The following YBX1 variants were observed in gnomAD, a reference collection of about 807,000 sequenced individuals.
The protein encoded by YBX1 is Y-box-binding protein 1.
YBX1 carries 3 observed loss-of-function variants against 41.4 expected under a neutral mutation model. That is an observed-to-expected ratio of 0.07 (90% CI 0.03 to 0.19). YBX1 has a LOEUF of 0.19. Among genes scored for constraint, YBX1 ranks in the 10% least tolerant of loss-of-function variants. The pLI, the probability that YBX1 is intolerant of heterozygous loss-of-function variation, is 1.00. For synonymous variants in YBX1, 133 were observed against 165.8 expected (o/e 0.80, Z 1.52); for missense variants, 274 against 462.8 (o/e 0.59, Z 3.74).
At chr1:42,693,443 A>C (rs1351497724) in intron 2 of YBX1, 47 bp from the exon 3 acceptor site, 2 of 1,607,414 alleles carry the variant, frequency 1.2e-6, no homozygotes, top group African/African-American at 2.7e-5. Context: ...TGACAACATG[A>C]GATTTATTTC....
chr1:42,689,531 A>T (rs945283608), intron 2 of YBX1, among the ~76,000 whole-genome samples: 2 of 152,204 alleles, frequency 1.3e-5, no homozygotes, highest in Non-Finnish European at 2.9e-5. Context: ...GATTGGCAAA[A>T]AAGTTTTCTA....
At chr1:42,682,839 C>T (rs539344027) in intron 1 of YBX1, 108 bp downstream of exon 1, 106 of 601,470 alleles carry the variant, frequency 1.8e-4, no homozygotes, top group Admixed American at 3.9e-4. Flanking sequence ...GCACCGACTC[C>T]GCGGCGCGCG....
intron 2 of YBX1, among the ~76,000 whole-genome samples, chr1:42,689,169 CAT>C (rs1650269117): frequency 6.6e-6 from 1 of 152,198 alleles, no homozygotes; most frequent in South Asian, 2.1e-4. Context: ...CCCTTGGAAA[CAT>C]ACAGTTTGTC....
At chr1:42,693,573 G>A in intron 3 of YBX1, 50 bp downstream of exon 3, 1 of 1,594,288 alleles carries the variant, frequency 6.3e-7, no homozygotes. Context: ...ATTGTAAGAA[G>A]AAAAGGTTAG....
intron 2 of YBX1, among the ~76,000 whole-genome samples, chr1:42,689,277 A>G (rs1042741912): frequency 1.3e-5 from 2 of 152,208 alleles, no homozygotes; most frequent in African/African-American, 4.8e-5. Context: ...ATAAGTGGAC[A>G]TTATTATCTT....
chr1:42,687,010 ACT>A (rs1046533484), intron 2 of YBX1, among the ~76,000 whole-genome samples: 4 of 151,952 alleles, frequency 2.6e-5, no homozygotes, highest in African/African-American at 9.7e-5. Context: ...CCGTTGAAAG[ACT>A]CTTAAATGAT....
chr1:42,686,504 T>C (rs150363358), intron 2 of YBX1, among the ~76,000 whole-genome samples: 1 of 152,326 alleles, frequency 6.6e-6, no homozygotes, highest in East Asian at 1.9e-4. Context: ...TACGACAGCC[T>C]TCACGCCTGG....
At chr1:42,700,745 T>C (rs778664724) in intron 6 of YBX1, 36 bp from the exon 7 acceptor site, 1 of 1,568,478 alleles carries the variant, frequency 6.4e-7, no homozygotes, top group South Asian at 1.2e-5. Context: ...AGAGAGAAGG[T>C]TTTATCATTC....
In YBX1 at chr1:42,702,419, T is replaced by C. The variant is rs900901302; in HGVS notation, c.*470T>C. ...TTTAGCTATTTATAGGACCCTTAGC[T>C]TGACCCAGTCTACAAATAGATGATG... On this transcript the variant is annotated 3_prime_UTR_variant, in exon 8 of 8. Transcript: ENST00000321358. The C allele has an allele frequency of 1.3e-5, 2 of 152,668 alleles. No homozygotes were observed. Among genetic ancestry groups the C allele is most frequent in the Admixed American group, 6.5e-5 (1 of 15,292 alleles). The allele number at this position is 152,668 out of a possible 1,614,324, so 9.5% of individuals were successfully genotyped here.
chr1:42,695,827 G>C (rs536945493), intron 3 of YBX1, among the ~76,000 whole-genome samples: 1 of 152,236 alleles, frequency 6.6e-6, no homozygotes, highest in Non-Finnish European at 1.5e-5. Context: ...AACTGACGCA[G>C]TGTGGGGCCA....
chr1:42,683,153 T>A (rs1650094804), intron 1 of YBX1: 1 of 644,266 alleles, frequency 1.6e-6, no homozygotes, highest in African/African-American at 1.9e-5. Context: ...GTGCTCTCCG[T>A]CCGCGGCCTG....
intron 3 of YBX1, among the ~76,000 whole-genome samples, chr1:42,693,981 T>TA (rs1650400548): frequency 1.3e-5 from 2 of 151,674 alleles, no homozygotes; most frequent in Non-Finnish European, 2.9e-5. Flanking sequence ...ACTTGAAAAG[T>TA]AGCATAAAGA....
chr1:42,684,848 C>T (rs1376303446), intron 2 of YBX1, among the ~76,000 whole-genome samples: 1 of 152,166 alleles, frequency 6.6e-6, no homozygotes, highest in Non-Finnish European at 1.5e-5. Flanking sequence ...CTGTCTTACT[C>T]TGATTATCGT....
Position 42,696,468 on chromosome 1 carries a change from C to A in YBX1, c.355-174C>A, listed in dbSNP as rs1413390000. On this transcript the variant is annotated intron_variant, in intron 4 of 7. Transcript: ENST00000321358. The surrounding 1 kb of genome is among the most constrained non-coding windows in gnomAD (Gnocchi z 5.7). Reference sequence around the variant, plus strand: ...GCAATCTCTTCAGAACAGTGAGGAACTGATATTTAGTCATTTCTGTGCACC... The same window carrying A: ...GCAATCTCTTCAGAACAGTGAGGAAATGATATTTAGTCATTTCTGTGCACC... 6.7e-6 allele frequency among the ~76,000 whole-genome samples: 1 copy of A among 150,372 alleles called. No individual in the cohort carries two copies. The highest frequency in any genetic ancestry group is 1.5e-5 in the Non-Finnish European group (1 of 67,840).
At chr1:42,683,308 C>T in intron 1 of YBX1, 95 bp from the exon 2 acceptor site, 10 of 1,467,080 alleles carry the variant, frequency 6.8e-6, no homozygotes, top group Non-Finnish European at 9.5e-6. Context: ...GTGGCCGCGG[C>T]GGCCGGCGTG....
intron 2 of YBX1, among the ~76,000 whole-genome samples, chr1:42,689,069 T>TA (rs1174225795): frequency 6.6e-6 from 1 of 152,188 alleles, no homozygotes; most frequent in African/African-American, 2.4e-5. Flanking sequence ...CCCTCATAGA[T>TA]ACTGAGTTAT....
intron 2 of YBX1, among the ~76,000 whole-genome samples, chr1:42,688,734 C>T (rs1465918959): frequency 6.6e-6 from 1 of 152,154 alleles, no homozygotes; most frequent in Non-Finnish European, 1.5e-5. Flanking sequence ...AAAGTCATGG[C>T]ATTGTAAGAA....
chr1:42,694,074 G>T lies in YBX1; in HGVS notation c.264+551G>T, dbSNP rs938884200. On this transcript the variant is annotated intron_variant, in intron 3 of 7. Transcript: ENST00000321358. ...CCTTTGGAGAGTTTTGGCTGGCTTG[G>T]AAAATGAAAAAATTTCACTAGTTTA... Among the ~76,000 whole-genome samples, 5 of 151,754 alleles carry T rather than the reference G, an allele frequency of 3.3e-5. No individual in the cohort carries two copies. In the East Asian group the frequency reaches 7.7e-4, roughly 23 times the overall value.
chr1:42,686,593 C>G (rs1265503036), intron 2 of YBX1, among the ~76,000 whole-genome samples: 1 of 152,182 alleles, frequency 6.6e-6, no homozygotes, highest in African/African-American at 2.4e-5. Context: ...GTTTGGCTAT[C>G]TCTCTTTAGT....
Sources: allele counts gnomAD v4.1 joint callset (sites outside exome capture counted in the v4.1 genomes callset), GRCh38; gene constraint gnomAD v4.1.1; non-coding constraint Gnocchi (gnomAD v3.1); transcripts MANE v1.5; gene names NCBI Gene and HGNC (gene_info 2026-07-23, HGNC 2026-07-21).